ZNF892: variants seen among roughly 807,000 people sequenced by gnomAD.
ZNF892 encodes zinc finger protein 892.
the ZNF892 span, among the ~76,000 whole-genome samples, chr2:95,235,893 G>A: frequency 6.6e-6 from 1 of 152,180 alleles, no homozygotes; most frequent in Non-Finnish European, 1.5e-5. Flanking sequence ...CTCAAAGGTG[G>A]TGAATACAGT....
At chr2:95,211,254 G>A in the ZNF892 span, among the ~76,000 whole-genome samples, 33 of 152,254 alleles carry the variant, frequency 2.2e-4, no homozygotes, top group Non-Finnish European at 4.1e-4. Context: ...ATACCATAAG[G>A]AAAATACTTA....
At chr2:95,243,668 G>T in the ZNF892 span, among the ~76,000 whole-genome samples, 3 of 151,856 alleles carry the variant, frequency 2.0e-5, no homozygotes, top group African/African-American at 7.3e-5. Flanking sequence ...CACCCCGTCT[G>T]GGAAGTGAGG....
At chr2:95,257,311 CT>C in the ZNF892 span, among the ~76,000 whole-genome samples, 1 of 152,314 alleles carries the variant, frequency 6.6e-6, no homozygotes, top group South Asian at 2.1e-4. Context: ...AGCTGCAGGT[CT>C]GTTGGAGTTT....
At chr2:95,217,040 C>T in the ZNF892 span, among the ~76,000 whole-genome samples, 1 of 152,156 alleles carries the variant, frequency 6.6e-6, no homozygotes, top group African/African-American at 2.4e-5. Flanking sequence ...CTGGGACGTC[C>T]AAGATCAAGG....
chr2:95,226,278 C>T, the ZNF892 span, among the ~76,000 whole-genome samples: 2 of 152,186 alleles, frequency 1.3e-5, no homozygotes, highest in African/African-American at 2.4e-5. Flanking sequence ...CAATTTATTG[C>T]TTAATTACTC....
chr2:95,219,610 T>A, the ZNF892 span, among the ~76,000 whole-genome samples: 1 of 152,222 alleles, frequency 6.6e-6, no homozygotes, highest in Non-Finnish European at 1.5e-5. Context: ...TGAGATTTTC[T>A]TGGTTCTTGG....
chr2:95,262,397 G>A, the ZNF892 span, among the ~76,000 whole-genome samples: 1 of 152,178 alleles, frequency 6.6e-6, no homozygotes, highest in African/African-American at 2.4e-5. Flanking sequence ...GCAGCAGAGT[G>A]CCCGGCCGAA....
At chr2:95,254,120 G>A in the ZNF892 span, among the ~76,000 whole-genome samples, 1 of 152,144 alleles carries the variant, frequency 6.6e-6, no homozygotes, top group African/African-American at 2.4e-5. Flanking sequence ...ACACTATGTT[G>A]AATAGGAGTG....
chr2:95,206,566 T>A, the ZNF892 span, among the ~76,000 whole-genome samples: 1 of 152,066 alleles, frequency 6.6e-6, no homozygotes, highest in African/African-American at 2.4e-5. Flanking sequence ...AGACAAACGG[T>A]TACAAGAAGA....
At chr2:95,225,130 G>C in the ZNF892 span, among the ~76,000 whole-genome samples, 2 of 152,084 alleles carry the variant, frequency 1.3e-5, no homozygotes, top group African/African-American at 4.8e-5. Flanking sequence ...TTACCATAAT[G>C]TTTTCATAAG....
the ZNF892 span, chr2:95,214,923 A>G: frequency 6.0e-6 from 3 of 500,722 alleles, no homozygotes; most frequent in Non-Finnish European, 7.3e-6. Flanking sequence ...TCGGCATCAT[A>G]TAATTCATAC....
the ZNF892 span, among the ~76,000 whole-genome samples, chr2:95,246,267 C>T: frequency 2.0e-5 from 3 of 152,152 alleles, no homozygotes; most frequent in Non-Finnish European, 2.9e-5. Context: ...ACAAAAACCA[C>T]GTGATTATCT....
the ZNF892 span, among the ~76,000 whole-genome samples, chr2:95,254,035 G>A: frequency 6.6e-6 from 1 of 151,998 alleles, no homozygotes; most frequent in African/African-American, 2.4e-5. Flanking sequence ...AACAGGGACA[G>A]TCTGACTTCC....
At chr2:95,216,836 C>T in the ZNF892 span, among the ~76,000 whole-genome samples, 1 of 152,076 alleles carries the variant, frequency 6.6e-6, no homozygotes, top group South Asian at 2.1e-4. Context: ...TTTTAGCCCC[C>T]ACCTTCTACT....
At chr2:95,214,576 G>A in the ZNF892 span, 8 of 398,608 alleles carry the variant, frequency 2.0e-5, no homozygotes, top group African/African-American at 4.1e-5. Context: ...TGCACTCAGA[G>A]GTCCTTACTT....
chr2:95,243,094 C>T, the ZNF892 span, among the ~76,000 whole-genome samples: 90 of 152,318 alleles, frequency 5.9e-4, no homozygotes, highest in South Asian at 7.7e-3. Context: ...GCGAGTGATC[C>T]GCCAGCCTCG....
the ZNF892 span, among the ~76,000 whole-genome samples, chr2:95,246,839 G>C: frequency 2.6e-5 from 4 of 152,084 alleles, no homozygotes; most frequent in African/African-American, 9.7e-5. Context: ...ACAAACCACT[G>C]TTCAAAGAAA....
the ZNF892 span, among the ~76,000 whole-genome samples, chr2:95,239,653 C>T: frequency 4.6e-5 from 7 of 151,720 alleles, no homozygotes; most frequent in South Asian, 4.2e-4. Context: ...GGCTGGAGCA[C>T]GTCTAGCTCT....
At chr2:95,215,224 C>A in the ZNF892 span, 1 of 459,744 alleles carries the variant, frequency 2.2e-6, no homozygotes, top group Non-Finnish European at 3.9e-6. Flanking sequence ...TGTGGGAAAG[C>A]CTTTGGCTAC....
Sources: allele counts gnomAD v4.1 joint callset (sites outside exome capture counted in the v4.1 genomes callset), GRCh38; gene constraint gnomAD v4.1.1; transcripts MANE v1.5; gene names NCBI Gene and HGNC (gene_info 2026-07-23, HGNC 2026-07-21).